SCAI: variants seen among roughly 807,000 people sequenced by gnomAD.
SCAI encodes suppressor of cancer cell invasion.
A neutral mutation model predicts 92.2 loss-of-function variants in SCAI; 24 were observed. The ratio of observed to expected loss-of-function variants is 0.26; its 90% CI spans 0.19 to 0.37. The LOEUF is 0.37. Among genes scored for constraint, SCAI ranks in the 10% least tolerant of loss-of-function variants. The pLI, the probability that SCAI is intolerant of heterozygous loss-of-function variation, is 1.00. For synonymous variants in SCAI, 261 were observed against 258.6 expected, an observed-to-expected ratio of 1.01 and a Z score of -0.09; for missense variants, 450 against 736.2, an observed-to-expected ratio of 0.61 and a Z score of 4.50.
chr9:125,115,457 T>C (rs1564419746), intron 2 of SCAI, among the ~76,000 whole-genome samples: 1 of 151,638 alleles, frequency 6.6e-6, no homozygotes. Context: ...CTGCTTGTTA[T>C]TTAGACACAA....
chr9:125,011,460 A>T (rs1327914131), intron 9 of SCAI, among the ~76,000 whole-genome samples: 2 of 152,220 alleles, frequency 1.3e-5, no homozygotes, highest in Non-Finnish European at 2.9e-5. Context: ...GAATGAAATG[A>T]AGCGAGAAGG....
At chr9:125,026,967 A>ATATAG in intron 5 of SCAI, 57 bp from the exon 6 acceptor site, 1 of 1,038,430 alleles carries the variant, frequency 9.6e-7, no homozygotes, top group Non-Finnish European at 1.5e-6. Context: ...TCACCATGGT[A>ATATAG]AATACTTGTT....
intron 15 of SCAI, chr9:124,975,251 A>C: frequency 2.2e-6 from 1 of 447,322 alleles, no homozygotes; most frequent in South Asian, 1.6e-5. Flanking sequence ...ACTTACCTTA[A>C]AACAACGGTG....
intron 2 of SCAI, among the ~76,000 whole-genome samples, chr9:125,067,708 G>T (rs1833902043): frequency 6.6e-6 from 1 of 152,144 alleles, no homozygotes; most frequent in Non-Finnish European, 1.5e-5. Flanking sequence ...GCATTTCTCT[G>T]ACAACTAATG....
intron 2 of SCAI, among the ~76,000 whole-genome samples, chr9:125,107,404 T>A (rs1234792801): frequency 1.5e-5 from 2 of 137,232 alleles, no homozygotes; most frequent in Non-Finnish European, 3.1e-5. Flanking sequence ...GGAGACACTG[T>A]CTCAAAAAAA....
intron 3 of SCAI, among the ~76,000 whole-genome samples, chr9:125,032,191 A>ATTTTTTTT (rs1254303558): frequency 2.2e-4 from 18 of 80,634 alleles, no homozygotes; most frequent in African/African-American, 9.8e-4. Flanking sequence ...ATATATATAT[A>ATTTTTTTT]TATATTTTTT....
rs1167664728 is a variant in SCAI, at chr9:124,945,102, A to G, written c.*7705T>C. Reference sequence around the variant, plus strand: ...GACTGGAATTGTCCACCAAAATAGGAAATTGATACCCAATTTATAGTCTAT... The same window carrying G: ...GACTGGAATTGTCCACCAAAATAGGGAATTGATACCCAATTTATAGTCTAT... On this transcript the variant is annotated 3_prime_UTR_variant, in exon 18 of 18. Transcript: ENST00000336505. 6.6e-6 allele frequency: 1 copy of G among 152,216 alleles called. No homozygotes were observed. The highest frequency in any genetic ancestry group is 1.5e-5 in the Non-Finnish European group (1 of 68,026). 9.4% of individuals were successfully genotyped at this position (152,216 alleles called of 1,614,324 possible). A position where few individuals can be genotyped will look rare whatever the true frequency, so the allele number is the denominator to read the frequency against.
intron 2 of SCAI, among the ~76,000 whole-genome samples, chr9:125,113,881 G>A (rs1218812754): frequency 6.6e-6 from 1 of 152,144 alleles, no homozygotes; most frequent in Non-Finnish European, 1.5e-5. Flanking sequence ...AGAATAGCTT[G>A]AAAGCGGGAG....
intron 2 of SCAI, among the ~76,000 whole-genome samples, chr9:125,106,867 ATTT>A (rs3051151): frequency 0.031 from 4,146 of 135,666 alleles, 197 homozygotes; most frequent in African/African-American, 0.1. Flanking sequence ...TGCCTGGTTA[ATTT>A]TTTTTTTTTT....
rs1833152136 is a variant in SCAI, at chr9:125,034,583, A to C, written c.231-4844T>G. On this transcript the variant is annotated intron_variant, in intron 3 of 17. Coordinates refer to ENST00000336505, the MANE Select transcript of SCAI (RefSeq NM_001144877.3). ...AAACACAGTCTCTACAAACAAAAATAAAAAATAAAAAATAAATTTGCCAGG... is the reference window on the plus strand; with the variant it reads ...AAACACAGTCTCTACAAACAAAAATCAAAAATAAAAAATAAATTTGCCAGG... Among the ~76,000 whole-genome samples, 4 of 152,214 alleles carry C rather than the reference A, an allele frequency of 2.6e-5. No individual in the cohort carries two copies. In the South Asian group the frequency reaches 6.2e-4, roughly 24 times the overall value.
Position 124,994,936 on chromosome 9 carries a change from T to G in SCAI, c.1324A>C (p.Lys442Gln). 2 of 1,610,730 alleles carry G rather than the reference T, an allele frequency of 1.2e-6. No individual in the cohort carries two copies. The highest frequency in any genetic ancestry group is 1.7e-6 in the Non-Finnish European group (2 of 1,177,798). Residue 442 changes from lysine (K) to glutamine (Q), a missense_variant and splice_region_variant, in exon 14 of 18, where the codon AAG becomes CAG. Physicochemically the swap from Lys to Gln is moderately conservative, Grantham distance 53. Coordinates refer to ENST00000336505, the MANE Select transcript of SCAI (RefSeq NM_001144877.3). The stretch of plus-strand genomic sequence containing the variant: ...GCAATAGCTCTCATGGAACTCACCT[T>G]ATACGCAACACTATTAGACGAATCC... ...IVDSSNSVAY[K>Q]NFTNLFGQPL...
chr9:125,003,448 A>C lies in SCAI; in HGVS notation c.963+21T>G, dbSNP rs780867034. ...GCAGCCAGAGGGTTACCAAACTTGC[A>C]AATGTAAAAGAGGAGATTACCTGCA... On this transcript the variant is annotated intron_variant, in intron 10 of 17. Coordinates refer to ENST00000336505, the MANE Select transcript of SCAI (RefSeq NM_001144877.3). The C allele has an allele frequency of 1.2e-5, 18 of 1,537,616 alleles. No individual in the cohort carries two copies. The South Asian group carries it at 2.0e-4, about 17-fold the overall frequency.
At chr9:125,079,004 C>T (rs758134708) in intron 2 of SCAI, among the ~76,000 whole-genome samples, 34 of 152,110 alleles carry the variant, frequency 2.2e-4, no homozygotes, top group South Asian at 8.3e-4. Flanking sequence ...CTTGCAATTG[C>T]TTGATTCATC....
chr9:125,031,516 T>TG (rs1833074376), intron 3 of SCAI, among the ~76,000 whole-genome samples: 21 of 152,258 alleles, frequency 1.4e-4, no homozygotes, highest in Admixed American at 1.4e-3. Flanking sequence ...ACCAAAGTGC[T>TG]GGGATTACAG....
At chr9:125,075,477 C>A (rs1322795309) in intron 2 of SCAI, among the ~76,000 whole-genome samples, 1 of 151,762 alleles carries the variant, frequency 6.6e-6, no homozygotes, top group African/African-American at 2.4e-5. Flanking sequence ...CGGCTCACTG[C>A]AACCTCTGCT....
chr9:125,016,537 C>T (rs184056701), intron 9 of SCAI, among the ~76,000 whole-genome samples: 11 of 151,978 alleles, frequency 7.2e-5, no homozygotes, highest in East Asian at 3.9e-4. Flanking sequence ...TACAATATAT[C>T]GAGGCCTATT....
At chr9:124,980,210 C>T (rs897675633) in intron 14 of SCAI, among the ~76,000 whole-genome samples, 1 of 152,024 alleles carries the variant, frequency 6.6e-6, no homozygotes, top group Non-Finnish European at 1.5e-5. Context: ...TTAGCCATGT[C>T]GCTTTTCCTC....
chr9:125,062,031 G>A (rs1833777653), intron 2 of SCAI, among the ~76,000 whole-genome samples: 1 of 151,988 alleles, frequency 6.6e-6, no homozygotes, highest in South Asian at 2.1e-4. Flanking sequence ...GGGAATAAAT[G>A]GAGTTAAAGT....
chr9:124,976,110 A>C lies in SCAI; in HGVS notation c.1399+4T>G. ...TGGCTATACCAGGCAATGAGGGTAC[A>C]TACCTTGTAAAGCTTTTGGATATGC... On this transcript the variant is annotated splice_donor_region_variant and intron_variant, in intron 15 of 17. Transcript: ENST00000336505. 2.5e-6 allele frequency: 4 copies of C among 1,594,000 alleles called. No homozygotes were observed. The highest frequency in any genetic ancestry group is 3.4e-6 in the Non-Finnish European group (4 of 1,161,542).
Sources: gnomAD v4.1 joint callset for allele counts (sites outside exome capture counted in the v4.1 genomes callset) on GRCh38, gnomAD v4.1.1 for gene constraint, MANE v1.5 for transcripts, NCBI Gene and HGNC (gene_info 2026-07-23, HGNC 2026-07-21) for gene names.